The following GNAQ variants were observed in gnomAD, a reference collection of about 807,000 sequenced individuals.
The protein encoded by GNAQ is guanine nucleotide-binding protein G(q) subunit alpha.
A neutral mutation model predicts 43.9 loss-of-function variants in GNAQ; 8 were observed. That is an observed-to-expected ratio of 0.18 (90% CI 0.11 to 0.33). GNAQ has a LOEUF of 0.33. Among genes scored for constraint, GNAQ ranks in the 10% least tolerant of loss-of-function variants. The probability of loss-of-function intolerance (pLI) is 1.00; values close to 1 mark genes in which losing one functional copy is unlikely to be tolerated. For missense variants in GNAQ, 158 were observed against 450.8 expected, an observed-to-expected ratio of 0.35 and a Z score of 5.88; for synonymous variants, 155 against 170.7, an observed-to-expected ratio of 0.91 and a Z score of 0.71.
intron 2 of GNAQ, among the ~76,000 whole-genome samples, chr9:77,896,232 T>C (rs1338152207): frequency 6.6e-6 from 1 of 152,198 alleles, no homozygotes; most frequent in African/African-American, 2.4e-5. Flanking sequence ...GGAACACTTG[T>C]GAATTACTTA....
At chr9:77,836,688 A>G (rs1827391841) in intron 2 of GNAQ, among the ~76,000 whole-genome samples, 1 of 152,208 alleles carries the variant, frequency 6.6e-6, no homozygotes, top group African/African-American at 2.4e-5. Context: ...TGGAGAAAAG[A>G]ATAGTACTAA....
chr9:77,869,804 TC>T (rs1444321868), intron 2 of GNAQ, among the ~76,000 whole-genome samples: 3 of 152,304 alleles, frequency 2.0e-5, no homozygotes, highest in East Asian at 3.9e-4. Flanking sequence ...CCTTCCCCAC[TC>T]CCCAGTCCTC....
chr9:77,935,431 TCTC>T (rs1445506545), intron 1 of GNAQ, among the ~76,000 whole-genome samples: 1 of 152,210 alleles, frequency 6.6e-6, no homozygotes, highest in Non-Finnish European at 1.5e-5. Context: ...GGTTCTCACT[TCTC>T]CTAAAACAAA....
intron 1 of GNAQ, among the ~76,000 whole-genome samples, chr9:78,017,084 C>T (rs1445791175): frequency 6.6e-6 from 1 of 152,158 alleles, no homozygotes; most frequent in African/African-American, 2.4e-5. Context: ...CTGATTATAA[C>T]ATTTTCTTAA....
At chr9:77,758,192 G>C (rs1291887022) in intron 5 of GNAQ, among the ~76,000 whole-genome samples, 1 of 152,130 alleles carries the variant, frequency 6.6e-6, no homozygotes. Flanking sequence ...TCTTACATTT[G>C]CTTTCAGTTT....
intron 5 of GNAQ, among the ~76,000 whole-genome samples, chr9:77,783,098 T>C (rs1390319565): frequency 6.6e-6 from 1 of 152,218 alleles, no homozygotes; most frequent in African/African-American, 2.4e-5. Flanking sequence ...TCAAAACCCA[T>C]CAATCATACA....
rs188896405 is a variant in GNAQ, at chr9:77,853,699, T to C, written c.322-37929A>G. On this transcript the variant is annotated intron_variant, in intron 2 of 6. Transcript: ENST00000286548. The stretch of plus-strand genomic sequence containing the variant: ...ACAGATACAGCCATGCTGTACGTAA[T>C]AGAGAACAGCGGCTACTCCTGTGTG... 1.3e-3 allele frequency among the ~76,000 whole-genome samples: 177 copies of C among 131,662 alleles called. 1 individual carries two copies. Among genetic ancestry groups the C allele is most frequent in the Middle Eastern group, 0.014 (2 of 148 alleles). 86.4% of individuals were successfully genotyped at this position (131,662 alleles called of 152,430 possible).
chr9:77,751,564 A>T (rs1034097085), intron 5 of GNAQ, among the ~76,000 whole-genome samples: 1 of 152,176 alleles, frequency 6.6e-6, no homozygotes, highest in African/African-American at 2.4e-5. Flanking sequence ...CAGAAATTTT[A>T]TAATGGGGTG....
intron 2 of GNAQ, among the ~76,000 whole-genome samples, chr9:77,817,177 T>C (rs1359983076): frequency 2.0e-5 from 3 of 152,122 alleles, no homozygotes; most frequent in African/African-American, 2.4e-5. Flanking sequence ...TCAATCATCG[T>C]TCCCCTCTGA....
At chr9:77,761,037 G>C (rs1826000057) in intron 5 of GNAQ, among the ~76,000 whole-genome samples, 3 of 152,042 alleles carry the variant, frequency 2.0e-5, no homozygotes. Flanking sequence ...GAAGTGAGGA[G>C]CCCCTCCGCC....
intron 5 of GNAQ, among the ~76,000 whole-genome samples, chr9:77,739,063 G>A (rs1231943170): frequency 6.6e-6 from 1 of 152,072 alleles, no homozygotes; most frequent in Non-Finnish European, 1.5e-5. Flanking sequence ...AAGGCTCTTG[G>A]TTACAGGCTA....
At chr9:77,955,122 G>T (rs1823026682) in intron 1 of GNAQ, among the ~76,000 whole-genome samples, 1 of 152,156 alleles carries the variant, frequency 6.6e-6, no homozygotes, top group Non-Finnish European at 1.5e-5. Flanking sequence ...AGATAAGTGG[G>T]AGTGGGGAGG....
chr9:77,859,971 A>T (rs1827817205), intron 2 of GNAQ, among the ~76,000 whole-genome samples: 1 of 152,254 alleles, frequency 6.6e-6, no homozygotes, highest in Admixed American at 6.5e-5. Context: ...TAGGCAAAGA[A>T]AAAAATCCCT....
At chr9:77,816,685 A>C (rs1287132689) in intron 2 of GNAQ, among the ~76,000 whole-genome samples, 1 of 152,198 alleles carries the variant, frequency 6.6e-6, no homozygotes, top group Non-Finnish European at 1.5e-5. Context: ...TGTGTTGGAC[A>C]CTGGAGGCAG....
At chr9:77,753,062 G>C (rs1825838898) in intron 5 of GNAQ, among the ~76,000 whole-genome samples, 1 of 145,656 alleles carries the variant, frequency 6.9e-6, no homozygotes, top group Admixed American at 6.8e-5. Context: ...ACTCCAGCCT[G>C]GGAGACAGAG....
chr9:77,882,921 TACCA>T (rs1286389756), intron 2 of GNAQ, among the ~76,000 whole-genome samples: 5 of 152,228 alleles, frequency 3.3e-5, no homozygotes, highest in Admixed American at 3.3e-4. Flanking sequence ...ATGATTTCCA[TACCA>T]ATAAGTCTAT....
intron 2 of GNAQ, among the ~76,000 whole-genome samples, chr9:77,873,790 T>C (rs745405522): frequency 1.3e-4 from 20 of 152,208 alleles, no homozygotes; most frequent in Non-Finnish European, 2.5e-4. Flanking sequence ...TCAGATTTCA[T>C]GATCGTGGTA....
intron 1 of GNAQ, among the ~76,000 whole-genome samples, chr9:78,009,002 G>A (rs749128627): frequency 2.6e-5 from 4 of 152,226 alleles, no homozygotes; most frequent in African/African-American, 9.6e-5. Flanking sequence ...GTCAAATAAA[G>A]TATACAGATT....
chr9:77,905,079 A>C (rs1220308252), intron 2 of GNAQ, among the ~76,000 whole-genome samples: 1 of 152,184 alleles, frequency 6.6e-6, no homozygotes, highest in African/African-American at 2.4e-5. Flanking sequence ...CCCTAATTTC[A>C]AGTACTCATC....
Sources: allele counts gnomAD v4.1 joint callset (sites outside exome capture counted in the v4.1 genomes callset), GRCh38; gene constraint gnomAD v4.1.1; transcripts MANE v1.5; gene names NCBI Gene and HGNC (gene_info 2026-07-23, HGNC 2026-07-21).